The following GDAP2 variants were observed in gnomAD, a reference collection of about 807,000 sequenced individuals.
The protein encoded by GDAP2 is ganglioside-induced differentiation-associated protein 2.
Under a neutral mutation model 67.0 loss-of-function variants are expected in GDAP2, and 51 were observed. The observed-to-expected ratio is 0.76, with a 90% CI of 0.61 to 0.96. GDAP2 has a LOEUF of 0.96. Ranked by LOEUF, GDAP2 falls within the 40% of genes least tolerant of loss-of-function variation. GDAP2 has a pLI of 0.00. For missense variants in GDAP2, 547 were observed against 588.3 expected (o/e 0.93, Z 0.73); for synonymous variants, 203 against 207.3 (o/e 0.98, Z 0.18).
intron 13 of GDAP2, among the ~76,000 whole-genome samples, chr1:117,875,261 T>A (rs1378080188): frequency 6.6e-6 from 1 of 152,226 alleles, no homozygotes; most frequent in East Asian, 1.9e-4. Context: ...TTCAGGATGC[T>A]GCTCTCTGCA....
rs1259376390 is a variant in GDAP2, at chr1:117,881,815, T to C, written c.1302+8A>G. ...TTCTAGATTTAACCAAAGAGAAAAA[T>C]ACTGTACCTTTGAACGAAATGTGGG... On this transcript the variant is annotated splice_region_variant and intron_variant, in intron 12 of 13. Coordinates refer to ENST00000369443, the MANE Select transcript of GDAP2 (RefSeq NM_017686.4). The C allele has an allele frequency of 6.8e-7, 1 of 1,462,766 alleles. No homozygotes were observed. 90.6% of individuals were successfully genotyped at this position (1,462,766 alleles called of 1,614,324 possible). A position where few individuals can be genotyped will look rare whatever the true frequency, so the allele number is the denominator to read the frequency against.
intron 6 of GDAP2, among the ~76,000 whole-genome samples, chr1:117,900,152 C>T (rs912740661): frequency 2.6e-5 from 4 of 152,044 alleles, no homozygotes; most frequent in Non-Finnish European, 2.9e-5. Flanking sequence ...TGTTTGTTTT[C>T]GTTTTCTTTT....
intron 13 of GDAP2, chr1:117,877,431 A>G: frequency 1.0e-6 from 1 of 977,548 alleles, no homozygotes; most frequent in Non-Finnish European, 1.2e-6. Flanking sequence ...AGGTGATATC[A>G]TGAATAAACA....
intron 3 of GDAP2, among the ~76,000 whole-genome samples, chr1:117,914,580 A>C (rs1256158893): frequency 2.0e-5 from 3 of 152,110 alleles, no homozygotes; most frequent in Admixed American, 1.3e-4. Context: ...CAGTTTCTAG[A>C]TTCAAAGAGC....
At chr1:117,911,769 C>A (rs1166398874) in intron 5 of GDAP2, among the ~76,000 whole-genome samples, 1 of 149,688 alleles carries the variant, frequency 6.7e-6, no homozygotes, top group African/African-American at 2.5e-5. Context: ...AAAAAAAAAA[C>A]CTTTTTTTTT....
At chr1:117,877,021 T>C (rs114006230) in intron 13 of GDAP2, among the ~76,000 whole-genome samples, 1,754 of 152,320 alleles carry the variant, frequency 0.012, 33 homozygotes, top group African/African-American at 0.04. Context: ...CAATCTGCAG[T>C]AAATACAAAC....
intron 10 of GDAP2, among the ~76,000 whole-genome samples, chr1:117,884,886 T>G (rs1327233258): frequency 6.6e-6 from 1 of 151,822 alleles, no homozygotes. Flanking sequence ...TCACTCAGGC[T>G]GGAGTGCAAT....
chr1:117,904,072 T>C (rs1649574906), intron 6 of GDAP2, among the ~76,000 whole-genome samples: 1 of 152,038 alleles, frequency 6.6e-6, no homozygotes, highest in Admixed American at 6.6e-5. Context: ...CTGCAACTTC[T>C]GCTTCCTGGG....
chr1:117,883,053 G>C (rs1017639884), intron 11 of GDAP2: 1 of 152,484 alleles, frequency 6.6e-6, no homozygotes, highest in Non-Finnish European at 1.5e-5. Flanking sequence ...AGTAACCTGG[G>C]TTCAAGTCCA....
intron 3 of GDAP2, among the ~76,000 whole-genome samples, chr1:117,918,046 G>C (rs1183694302): frequency 6.6e-6 from 1 of 152,126 alleles, no homozygotes; most frequent in East Asian, 1.9e-4. Context: ...TTTTTATTAG[G>C]TTAGAAACCA....
At chr1:117,884,898 G>A (rs1648795719) in intron 10 of GDAP2, among the ~76,000 whole-genome samples, 1 of 151,770 alleles carries the variant, frequency 6.6e-6, no homozygotes, top group South Asian at 2.1e-4. Flanking sequence ...GAGTGCAATG[G>A]CATGACCTTG....
chr1:117,916,188 G>T (rs759817733), intron 3 of GDAP2, among the ~76,000 whole-genome samples: 1 of 152,162 alleles, frequency 6.6e-6, no homozygotes, highest in African/African-American at 2.4e-5. Flanking sequence ...ACTATGGGTG[G>T]TCTGATCTAT....
At chr1:117,906,165 C>T (rs995330733) in intron 6 of GDAP2, among the ~76,000 whole-genome samples, 2 of 152,210 alleles carry the variant, frequency 1.3e-5, no homozygotes, top group African/African-American at 2.4e-5. Context: ...CAAAGCTTTT[C>T]TGGCACAGTA....
At chr1:117,879,766 C>T (rs1015624346) in intron 12 of GDAP2, among the ~76,000 whole-genome samples, 27 of 151,994 alleles carry the variant, frequency 1.8e-4, no homozygotes, top group Admixed American at 1.6e-3. Context: ...TTATTGCCTC[C>T]CCAGATATAT....
intron 9 of GDAP2, 62 bp from the exon 10 acceptor site, chr1:117,886,715 G>C: frequency 2.4e-6 from 2 of 850,014 alleles, no homozygotes; most frequent in Non-Finnish European, 2.0e-6. Flanking sequence ...ATTTGTCTTG[G>C]GCTCTGACTT....
Position 117,865,254 on chromosome 1 carries a change from T to C in GDAP2, c.*5315A>G, listed in dbSNP as rs1482124616. On this transcript the variant is annotated 3_prime_UTR_variant, in exon 14 of 14. Transcript: ENST00000369443. The stretch of plus-strand genomic sequence containing the variant: ...CCTCATGTAAATGGTCAAAAAATAA[T>C]GTCCCATCCTGGGGTTCAATATAAA... 1 of 152,220 alleles carries C rather than the reference T, an allele frequency of 6.6e-6. No homozygotes were observed. The highest frequency in any genetic ancestry group is 1.5e-5 in the Non-Finnish European group (1 of 68,042). The allele number at this position is 152,220 out of a possible 1,614,324, so 9.4% of individuals were successfully genotyped here. A position where few individuals can be genotyped will look rare whatever the true frequency, so the allele number is the denominator to read the frequency against.
At chr1:117,925,644 T>C (rs984889121) in intron 1 of GDAP2, among the ~76,000 whole-genome samples, 2 of 152,176 alleles carry the variant, frequency 1.3e-5, no homozygotes, top group Admixed American at 1.3e-4. Context: ...GCAGAGACAG[T>C]ATGGTTCGAT....
intron 8 of GDAP2, among the ~76,000 whole-genome samples, chr1:117,894,821 C>T (rs1448378080): frequency 1.3e-5 from 2 of 152,054 alleles, no homozygotes; most frequent in African/African-American, 2.4e-5. Flanking sequence ...GTATTTGTTG[C>T]CAATGATAAA....
intron 13 of GDAP2, chr1:117,877,385 C>T (rs1648497184): frequency 3.0e-6 from 3 of 983,696 alleles, no homozygotes; most frequent in Non-Finnish European, 2.4e-6. Context: ...GAGCTTTTGG[C>T]CAAGTGTGTT....
Sources: gnomAD v4.1 joint callset for allele counts (sites outside exome capture counted in the v4.1 genomes callset) on GRCh38, gnomAD v4.1.1 for gene constraint, MANE v1.5 for transcripts, NCBI Gene and HGNC (gene_info 2026-07-23, HGNC 2026-07-21) for gene names.